The following PPP4R2 variants were observed in gnomAD, a reference collection of about 807,000 sequenced individuals.
PPP4R2 encodes serine/threonine-protein phosphatase 4 regulatory subunit 2.
PPP4R2 carries 13 observed loss-of-function variants against 47.2 expected under a neutral mutation model. The ratio of observed to expected loss-of-function variants is 0.28; its 90% CI spans 0.18 to 0.44. The LOEUF (loss-of-function observed/expected upper bound fraction) is 0.44. PPP4R2 is among the 20% of genes least tolerant of loss of function. PPP4R2 has a pLI of 1.00. For synonymous variants in PPP4R2, 151 were observed against 163.3 expected (o/e 0.92, Z 0.57); for missense variants, 421 against 491.2 (o/e 0.86, Z 1.35).
chr3:73,036,547 A>G (rs974194907), intron 2 of PPP4R2, among the ~76,000 whole-genome samples: 1 of 152,146 alleles, frequency 6.6e-6, no homozygotes, highest in African/African-American at 2.4e-5. Context: ...TTATCTTTTT[A>G]GTTTTGTCAT....
At chr3:73,031,290 G>A (rs1187099603) in intron 2 of PPP4R2, among the ~76,000 whole-genome samples, 4 of 151,948 alleles carry the variant, frequency 2.6e-5, no homozygotes, top group South Asian at 2.1e-4. Context: ...TTGTAATCCC[G>A]GCACTTTGGG....
intron 2 of PPP4R2, among the ~76,000 whole-genome samples, chr3:73,004,079 G>A (rs1225093037): frequency 1.3e-5 from 2 of 151,980 alleles, no homozygotes; most frequent in Non-Finnish European, 2.9e-5. Flanking sequence ...CAAGTGATCT[G>A]CCTGTCTCGG....
chr3:73,001,460 G>T (rs1050314204), intron 2 of PPP4R2, among the ~76,000 whole-genome samples: 1 of 135,920 alleles, frequency 7.4e-6, no homozygotes, highest in Admixed American at 7.1e-5. Context: ...GCTACTCCCA[G>T]CTACTTGGGA....
intron 2 of PPP4R2, among the ~76,000 whole-genome samples, chr3:73,012,412 G>C (rs1445192085): frequency 6.6e-6 from 1 of 152,004 alleles, no homozygotes; most frequent in African/African-American, 2.4e-5. Context: ...CCATTCTCCT[G>C]CCTCAGCCTC....
At chr3:73,027,060 C>G (rs761945852) in intron 2 of PPP4R2, among the ~76,000 whole-genome samples, 7 of 152,200 alleles carry the variant, frequency 4.6e-5, no homozygotes, top group Non-Finnish European at 1.0e-4. Context: ...AGAACAGTAC[C>G]TGGCATTTGT....
intron 2 of PPP4R2, among the ~76,000 whole-genome samples, chr3:73,007,535 T>TG (rs1335444736): frequency 1.3e-5 from 2 of 152,058 alleles, no homozygotes; most frequent in African/African-American, 4.8e-5. Context: ...TGGAGTACAG[T>TG]GGTGTCTTGG....
chr3:73,051,064 G>A (rs953903178), intron 3 of PPP4R2, among the ~76,000 whole-genome samples: 8 of 152,034 alleles, frequency 5.3e-5, no homozygotes, highest in Non-Finnish European at 7.4e-5. Flanking sequence ...ACTGGCATGC[G>A]CCACCACACC....
In PPP4R2 at chr3:73,016,526, T is replaced by C. The variant is rs558904282; in HGVS notation, c.116+18368T>C. ...CATACCTGAAGATTTTAAAAGTGTC[T>C]TGAAGTTTTCTTCTAGGACCTCTGA... On this transcript the variant is annotated intron_variant, in intron 2 of 8. Transcript: ENST00000356692. 3.3e-5 allele frequency among the ~76,000 whole-genome samples: 5 copies of C among 152,258 alleles called. No individual in the cohort carries two copies. In the East Asian group the frequency reaches 5.8e-4, roughly 18 times the overall value.
At chr3:73,046,315 A>AT (rs1274892159) in intron 2 of PPP4R2, among the ~76,000 whole-genome samples, 1 of 152,194 alleles carries the variant, frequency 6.6e-6, no homozygotes, top group Non-Finnish European at 1.5e-5. Context: ...ATGGAAGGTG[A>AT]TTACAGATGG....
intron 2 of PPP4R2, among the ~76,000 whole-genome samples, chr3:73,018,452 T>TGTTATGTTTGTTATGTTATG: frequency 6.2e-5 from 6 of 96,558 alleles, no homozygotes; most frequent in South Asian, 3.0e-4. Context: ...TGTTATGTTA[T>TGTTATGTTTGTTATGTTATG]TTATGTTATG....
At chr3:73,028,446 A>G (rs996763920) in intron 2 of PPP4R2, among the ~76,000 whole-genome samples, 1 of 150,058 alleles carries the variant, frequency 6.7e-6, no homozygotes, top group African/African-American at 2.5e-5. Context: ...TATAGAAGAT[A>G]AATCCAGGTA....
At chr3:73,045,048 CAGTGGTGTGAT>C (rs1702454709) in intron 2 of PPP4R2, among the ~76,000 whole-genome samples, 1 of 152,154 alleles carries the variant, frequency 6.6e-6, no homozygotes, top group Non-Finnish European at 1.5e-5. Flanking sequence ...GGCTGGATTC[CAGTGGTGTGAT>C]CTTGGCTTAC....
chr3:73,046,605 AG>A (rs757998071), intron 2 of PPP4R2, among the ~76,000 whole-genome samples: 130 of 152,324 alleles, frequency 8.5e-4, no homozygotes, highest in Middle Eastern at 6.8e-3. Flanking sequence ...TTATTGTGCA[AG>A]TACTGGTTGG....
intron 3 of PPP4R2, among the ~76,000 whole-genome samples, chr3:73,050,107 G>GT (rs1360185390): frequency 3.3e-5 from 5 of 151,470 alleles, no homozygotes; most frequent in East Asian, 1.9e-4. Flanking sequence ...ACCCAGCTAT[G>GT]TTTTTTTTGT....
intron 2 of PPP4R2, chr3:73,015,060 G>A: frequency 5.9e-6 from 3 of 510,676 alleles, no homozygotes; most frequent in Non-Finnish European, 1.1e-5. Context: ...ACATGCCAAA[G>A]CAAGCCATTT....
chr3:73,052,008 G>A (rs112304947), intron 3 of PPP4R2, among the ~76,000 whole-genome samples: 2 of 152,162 alleles, frequency 1.3e-5, no homozygotes, highest in Non-Finnish European at 2.9e-5. Context: ...CTTCTGGAGA[G>A]CTGGGGTAAC....
At chr3:73,044,248 G>C (rs1010849567) in intron 2 of PPP4R2, among the ~76,000 whole-genome samples, 1 of 146,426 alleles carries the variant, frequency 6.8e-6, no homozygotes, top group African/African-American at 2.5e-5. Context: ...GTTGTTTTTG[G>C]AGCAACCAAA....
At chr3:73,000,064 G>T (rs1252270382) in intron 2 of PPP4R2, among the ~76,000 whole-genome samples, 1 of 152,182 alleles carries the variant, frequency 6.6e-6, no homozygotes, top group Non-Finnish European at 1.5e-5. Flanking sequence ...AGACTTTTCT[G>T]ATGTTTTAGG....
chr3:73,038,576 A>ACAAAATACAGG (rs1702313423), intron 2 of PPP4R2, among the ~76,000 whole-genome samples: 1 of 152,020 alleles, frequency 6.6e-6, no homozygotes, highest in African/African-American at 2.4e-5. Flanking sequence ...TTGTATTTTT[A>ACAAAATACAGG]GTAGAGACAG....
Sources: gnomAD v4.1 joint callset for allele counts (sites outside exome capture counted in the v4.1 genomes callset) on GRCh38, gnomAD v4.1.1 for gene constraint, MANE v1.5 for transcripts, NCBI Gene and HGNC (gene_info 2026-07-23, HGNC 2026-07-21) for gene names.